ALK: variants seen among roughly 807,000 people sequenced by gnomAD.
The protein encoded by ALK is ALK receptor tyrosine kinase.
A neutral mutation model predicts 163.1 loss-of-function variants in ALK; 74 were observed. The observed-to-expected ratio is 0.45, with a 90% confidence interval of 0.38 to 0.55. The LOEUF is 0.55. Among genes scored for constraint, ALK ranks in the 20% least tolerant of loss-of-function variants. The pLI is 0.00. For synonymous variants in ALK, 960 were observed against 843.2 expected (o/e 1.14, Z -2.40); for missense variants, 2,063 against 2,105.3 (o/e 0.98, Z 0.39).
At chr2:29,900,140 T>G (rs77689703) in intron 1 of ALK, among the ~76,000 whole-genome samples, 2,577 of 152,374 alleles carry the variant, frequency 0.017, 77 homozygotes, top group African/African-American at 0.059. Flanking sequence ...CTTGCCCAGA[T>G]GAATGGGCTT....
intron 5 of ALK, among the ~76,000 whole-genome samples, chr2:29,353,423 CA>C (rs746903529): frequency 6.6e-6 from 1 of 151,944 alleles, no homozygotes; most frequent in African/African-American, 2.4e-5. Context: ...GGGAAGAGAG[CA>C]AAAAAATGAC....
At chr2:29,853,485 C>G (rs1666057795) in intron 1 of ALK, among the ~76,000 whole-genome samples, 1 of 152,184 alleles carries the variant, frequency 6.6e-6, no homozygotes, top group Non-Finnish European at 1.5e-5. Flanking sequence ...AGGCCCCCCA[C>G]ACCTTGCTCT....
intron 3 of ALK, among the ~76,000 whole-genome samples, chr2:29,604,595 T>C (rs1675488200): frequency 6.6e-6 from 1 of 152,200 alleles, no homozygotes; most frequent in South Asian, 2.1e-4. Flanking sequence ...TAAAAGCCAC[T>C]TTGAACACCT....
In ALK at chr2:29,841,971, G is replaced by A. The variant is rs140090140; in HGVS notation, c.667+78022C>T. On this transcript the variant is annotated intron_variant, in intron 1 of 28. Coordinates refer to ENST00000389048, the MANE Select transcript of ALK (RefSeq NM_004304.5). ...ATGCAGGTCCCTCCTGAAAACTAAC[G>A]TTCCCTTCTCCTTTCCTTCCTCCAT... 8.0e-4 allele frequency among the ~76,000 whole-genome samples: 121 copies of A among 152,004 alleles called. 1 individual carries two copies. Among genetic ancestry groups the A allele is most frequent in the Admixed American group, 2.4e-3 (37 of 15,262 alleles).
At chr2:29,386,573 G>T (rs1026092043) in intron 4 of ALK, among the ~76,000 whole-genome samples, 1 of 152,218 alleles carries the variant, frequency 6.6e-6, no homozygotes, top group African/African-American at 2.4e-5. Flanking sequence ...ATAGCTCTCT[G>T]CTCTGAGAAA....
chr2:29,327,015 C>T (rs1573237273), intron 6 of ALK, among the ~76,000 whole-genome samples: 1 of 152,304 alleles, frequency 6.6e-6, no homozygotes, highest in East Asian at 1.9e-4. Flanking sequence ...AGGGAAGATG[C>T]CAAGTTATTC....
chr2:29,197,603 C>T lies in ALK; in HGVS notation c.4012G>A (p.Val1338Ile), dbSNP rs1573084680. The change falls in exon 27 of 29, where the codon GTT (valine) becomes ATT (isoleucine). Residue 1338 changes from valine to isoleucine, a missense_variant. By Grantham distance (29) the Val-to-Ile change is conservative. Around this residue, in one of 5 missense-constraint regions of ALK, gnomAD observed 403 missense variants for 366.2 expected, o/e 1.10. Transcript: ENST00000389048. ...MPYPSKSNQE[V>I]LEFVTSGGRM... ...CCTCCACTGGTGACAAACTCCAGAA[C>T]TTCCTGGTTGCTTTTGCTGGGGTAT... 6.2e-7 allele frequency: 1 copy of T among 1,613,992 alleles called. No homozygotes were observed. The highest frequency in any genetic ancestry group is 1.3e-5 in the African/African-American group (1 of 75,044).
At chr2:29,244,140 C>A (rs1664593118) in intron 12 of ALK, among the ~76,000 whole-genome samples, 1 of 152,190 alleles carries the variant, frequency 6.6e-6, no homozygotes, top group Non-Finnish European at 1.5e-5. Flanking sequence ...GAGTGGACTG[C>A]CGCTCAGAAA....
chr2:29,589,383 G>A lies in ALK; in HGVS notation c.953-57267C>T, dbSNP rs562639276. On this transcript the variant is annotated intron_variant, in intron 3 of 28. Transcript: ENST00000389048. ...GACAGGAGAAGTTGGAGGATCTCTA[G>A]TCCTACCTCATGGGGAAAAATCTTC... Among the ~76,000 whole-genome samples, 25 of 152,262 alleles carry A rather than the reference G, an allele frequency of 1.6e-4. 1 individual carries two copies. In the East Asian group the frequency reaches 4.6e-3, roughly 28 times the overall value.
chr2:29,731,278 G>A (rs1679734627), intron 1 of ALK, among the ~76,000 whole-genome samples: 1 of 152,152 alleles, frequency 6.6e-6, no homozygotes. Context: ...CATCATACAA[G>A]CGTCTTATCA....
chr2:29,581,621 G>A (rs1674694321), intron 3 of ALK, among the ~76,000 whole-genome samples: 1 of 152,156 alleles, frequency 6.6e-6, no homozygotes, highest in African/African-American at 2.4e-5. Context: ...GGCGCCTTGA[G>A]GCCTGTATTG....
At chr2:29,211,671 G>C (rs1041163475) in intron 24 of ALK, among the ~76,000 whole-genome samples, 2 of 152,170 alleles carry the variant, frequency 1.3e-5, no homozygotes, top group Admixed American at 1.3e-4. Flanking sequence ...GGGAGAGAGA[G>C]AATTCGAGGC....
intron 3 of ALK, among the ~76,000 whole-genome samples, chr2:29,555,711 T>C (rs1338546860): frequency 6.6e-6 from 1 of 152,198 alleles, no homozygotes; most frequent in Non-Finnish European, 1.5e-5. Flanking sequence ...AGCTGGTATC[T>C]TGCATCTTAC....
intron 1 of ALK, among the ~76,000 whole-genome samples, chr2:29,876,342 G>T (rs1558529283): frequency 6.6e-6 from 1 of 151,490 alleles, no homozygotes; most frequent in East Asian, 1.9e-4. Context: ...GGTGGTGATG[G>T]TGATGGTAGT....
At chr2:29,222,701 A>T in intron 20 of ALK, 94 bp from the exon 21 acceptor site, 1 of 1,080,046 alleles carries the variant, frequency 9.3e-7, no homozygotes, top group Non-Finnish European at 1.4e-6. Flanking sequence ...CATTTAGTGG[A>T]CAAACACGAG....
chr2:29,255,713 C>A (rs960772764), intron 11 of ALK, among the ~76,000 whole-genome samples: 2 of 152,112 alleles, frequency 1.3e-5, no homozygotes, highest in Non-Finnish European at 2.9e-5. Flanking sequence ...AAGTCCCGGA[C>A]CCACCTTGTC....
At chr2:29,557,943 T>C (rs1673910221) in intron 3 of ALK, among the ~76,000 whole-genome samples, 1 of 152,192 alleles carries the variant, frequency 6.6e-6, no homozygotes, top group Non-Finnish European at 1.5e-5. Flanking sequence ...TCCTCTAGAC[T>C]GAGAGCCCTT....
At chr2:29,818,101 T>C (rs938757820) in intron 1 of ALK, among the ~76,000 whole-genome samples, 3 of 151,634 alleles carry the variant, frequency 2.0e-5, no homozygotes, top group Non-Finnish European at 4.4e-5. Flanking sequence ...AGGCAGGGAG[T>C]CAGACTTATT....
At chr2:29,194,601 G>C (rs887928936) in intron 28 of ALK, among the ~76,000 whole-genome samples, 13 of 152,206 alleles carry the variant, frequency 8.5e-5, no homozygotes, top group African/African-American at 3.1e-4. Flanking sequence ...GTGGGTTCAA[G>C]CCATTCTCGT....
Sources: gnomAD v4.1 joint callset for allele counts (sites outside exome capture counted in the v4.1 genomes callset) on GRCh38, gnomAD v4.1.1 for gene constraint, gnomAD v4.1.1 regional missense constraint, MANE v1.5 for transcripts, NCBI Gene and HGNC (gene_info 2026-07-23, HGNC 2026-07-21) for gene names.